Variants in ACTR3C observed in about 807,000 individuals in gnomAD.
ACTR3C encodes actin-related protein 3C.
Under a neutral mutation model 26.3 loss-of-function variants are expected in ACTR3C, and 18 were observed. The observed-to-expected ratio is 0.68, with a 90% CI of 0.47 to 1.01. The LOEUF is 1.01. ACTR3C is among the 50% of genes least tolerant of loss of function. The pLI is 0.00. For missense variants in ACTR3C, 184 were observed against 250.7 expected (o/e 0.73, Z 1.80); for synonymous variants, 55 against 94.5 (o/e 0.58, Z 2.42).
the ACTR3C span, among the ~76,000 whole-genome samples, chr7:149,971,205 G>A: frequency 7.9e-5 from 12 of 152,204 alleles, 1 homozygote; most frequent in East Asian, 1.2e-3. Flanking sequence ...CTTCACCCTC[G>A]CCTCTAGCCA....
chr7:150,037,212 TAA>T, the ACTR3C span, among the ~76,000 whole-genome samples: 4 of 44,556 alleles, frequency 9.0e-5, no homozygotes, highest in African/African-American at 2.0e-4. Flanking sequence ...TAGCTCTCAG[TAA>T]TCCCACGTAA....
At chr7:150,285,152 A>G (rs1236360876) in intron 5 of ACTR3C, among the ~76,000 whole-genome samples, 5 of 152,188 alleles carry the variant, frequency 3.3e-5, no homozygotes, top group Admixed American at 3.3e-4. Context: ...AGTGGAGAGT[A>G]TGTGCACGAT....
the ACTR3C span, among the ~76,000 whole-genome samples, chr7:150,018,399 T>C: frequency 1.3e-5 from 2 of 149,390 alleles, no homozygotes; most frequent in Admixed American, 1.3e-4. Context: ...ATACCCTCAA[T>C]GTTTTGAATT....
the ACTR3C span, among the ~76,000 whole-genome samples, chr7:150,229,887 T>C: frequency 6.6e-6 from 1 of 151,874 alleles, no homozygotes; most frequent in African/African-American, 2.4e-5. Flanking sequence ...ATCTGGAAGA[T>C]ATTATAGAGG....
chr7:149,993,903 C>T, the ACTR3C span, among the ~76,000 whole-genome samples: 1 of 152,302 alleles, frequency 6.6e-6, no homozygotes, highest in South Asian at 2.1e-4. Context: ...TGGAACATGA[C>T]ACTGATTAGT....
the ACTR3C span, among the ~76,000 whole-genome samples, chr7:149,968,191 G>T: frequency 6.6e-6 from 1 of 152,216 alleles, no homozygotes; most frequent in Admixed American, 6.5e-5. Context: ...CCCAGGCATG[G>T]CTGCTGTCAG....
In ACTR3C at chr7:150,290,507, T is replaced by A. The variant is rs557614940; in HGVS notation, c.154-914A>T. On this transcript the variant is annotated intron_variant, in intron 3 of 7. Coordinates refer to ENST00000683684, the MANE Select transcript of ACTR3C (RefSeq NM_001164458.2). ...CCGGTAAAGACACTCAGGTTTCACG[T>A]TACAGCACATCACAGCTTCTGTGCC... Among the ~76,000 whole-genome samples the A allele has an allele frequency of 5.7e-3, 869 of 152,174 alleles. 7 individuals carry two copies. Among genetic ancestry groups the A allele is most frequent in the African/African-American group, 0.02 (828 of 41,494 alleles).
chr7:150,309,834 C>T (rs1321889479), intron 1 of ACTR3C, among the ~76,000 whole-genome samples: 2 of 152,154 alleles, frequency 1.3e-5, no homozygotes, highest in African/African-American at 4.8e-5. Context: ...TGATGCTGCC[C>T]GATCACCTGG....
the ACTR3C span, among the ~76,000 whole-genome samples, chr7:150,152,994 T>C: frequency 6.6e-6 from 1 of 152,244 alleles, no homozygotes; most frequent in African/African-American, 2.4e-5. Context: ...ATCCCCTTTA[T>C]CATTTTTTAT....
the ACTR3C span, among the ~76,000 whole-genome samples, chr7:150,089,460 T>C: frequency 7.9e-5 from 12 of 152,228 alleles, no homozygotes; most frequent in African/African-American, 2.7e-4. Context: ...TGATGCAATA[T>C]GCAAGCCTTC....
the ACTR3C span, among the ~76,000 whole-genome samples, chr7:150,084,614 T>C: frequency 8.5e-5 from 13 of 152,132 alleles, no homozygotes; most frequent in South Asian, 4.2e-4. Flanking sequence ...GTGATATATT[T>C]GAGGAATAGA....
intron 1 of ACTR3C, among the ~76,000 whole-genome samples, chr7:150,320,503 C>T (rs1322742476): frequency 6.6e-6 from 1 of 152,120 alleles, no homozygotes; most frequent in African/African-American, 2.4e-5. Flanking sequence ...TGGCTCAAGC[C>T]TGTAATCCCA....
the ACTR3C span, among the ~76,000 whole-genome samples, chr7:149,922,564 C>T: frequency 2.0e-5 from 3 of 151,922 alleles, no homozygotes; most frequent in Non-Finnish European, 2.9e-5. Context: ...CAGAGATGGG[C>T]GGGGATGCCA....
the ACTR3C span, among the ~76,000 whole-genome samples, chr7:149,946,968 G>A: frequency 0.035 from 5,240 of 149,614 alleles, 344 homozygotes; most frequent in African/African-American, 0.13. Context: ...AGCTTGTGTG[G>A]GAAGCAGTGT....
At chr7:150,113,374 G>C in the ACTR3C span, among the ~76,000 whole-genome samples, 5 of 152,170 alleles carry the variant, frequency 3.3e-5, no homozygotes, top group African/African-American at 4.8e-5. Flanking sequence ...CCTGGTGAGG[G>C]GGAATAAGCT....
At chr7:150,166,210 T>C in the ACTR3C span, among the ~76,000 whole-genome samples, 2 of 151,042 alleles carry the variant, frequency 1.3e-5, no homozygotes, top group Non-Finnish European at 2.9e-5. Flanking sequence ...AACTAAGCAA[T>C]AGAAAATAAT....
chr7:150,146,594 T>TC, the ACTR3C span, among the ~76,000 whole-genome samples: 1 of 152,220 alleles, frequency 6.6e-6, no homozygotes, highest in East Asian at 1.9e-4. Context: ...TTTCTTGGCC[T>TC]CCTTTGCTAT....
At chr7:150,136,594 C>T in the ACTR3C span, among the ~76,000 whole-genome samples, 564 of 151,924 alleles carry the variant, frequency 3.7e-3, 29 homozygotes, top group East Asian at 0.1. Context: ...CATTTGAGCC[C>T]GGGAGATGGA....
the ACTR3C span, among the ~76,000 whole-genome samples, chr7:149,967,089 CAGTGGCACAATCTCAGCTCACTGCA>C: frequency 8.1e-6 from 1 of 123,336 alleles, no homozygotes; most frequent in African/African-American, 2.9e-5. Flanking sequence ...GGCTGGAGTG[CAGTGGCACAATCTCAGCTCACTGCA>C]AGCTCCGCCT....
Sources: allele counts gnomAD v4.1 joint callset (sites outside exome capture counted in the v4.1 genomes callset), GRCh38; gene constraint gnomAD v4.1.1; transcripts MANE v1.5; gene names NCBI Gene and HGNC (gene_info 2026-07-23, HGNC 2026-07-21).